Variants in GLTP observed in about 807,000 individuals in gnomAD.
The protein encoded by GLTP is glycolipid transfer protein.
In GLTP, 22 loss-of-function variants were observed where a neutral mutation model predicts 24.0. The observed-to-expected ratio is 0.92, with a 90% CI of 0.65 to 1.31. The LOEUF (loss-of-function observed/expected upper bound fraction) is 1.31, where lower values mean the gene tolerates loss of function less well. Among genes scored for constraint, GLTP ranks in the 50% most tolerant of loss-of-function variants. The pLI is 0.00. For missense variants in GLTP, 224 were observed against 276.6 expected (o/e 0.81, Z 1.35); for synonymous variants, 92 against 115.9 (o/e 0.79, Z 1.33).
chr12:109,870,838 G>C (rs1287818302), intron 1 of GLTP, among the ~76,000 whole-genome samples: 2 of 152,144 alleles, frequency 1.3e-5, no homozygotes, highest in Non-Finnish European at 2.9e-5. Context: ...GAACACAGGG[G>C]AAGTGTGAGT....
At chr12:109,854,308 T>C (rs1298274088) in intron 4 of GLTP, among the ~76,000 whole-genome samples, 1 of 133,464 alleles carries the variant, frequency 7.5e-6, no homozygotes, top group Non-Finnish European at 1.5e-5. Flanking sequence ...TGCGGTAAGC[T>C]AAGACTGTGC....
chr12:109,872,366 A>C (rs1382025981), intron 1 of GLTP, among the ~76,000 whole-genome samples: 1 of 152,188 alleles, frequency 6.6e-6, no homozygotes, highest in Non-Finnish European at 1.5e-5. Context: ...GGGCCTCTCA[A>C]GCTCAGGCTG....
At chr12:109,877,873 C>G (rs1282094498) in intron 1 of GLTP, among the ~76,000 whole-genome samples, 1 of 152,194 alleles carries the variant, frequency 6.6e-6, no homozygotes, top group East Asian at 1.9e-4. Flanking sequence ...CCTTCAGGAG[C>G]AATTCTCCTC....
intron 1 of GLTP, among the ~76,000 whole-genome samples, chr12:109,870,081 C>G (rs1868671627): frequency 6.6e-6 from 1 of 152,138 alleles, no homozygotes; most frequent in Admixed American, 6.5e-5. Flanking sequence ...ATAATGGACC[C>G]TTCTTCAAAG....
At chr12:109,861,087 C>T (rs1320476749) in intron 1 of GLTP, among the ~76,000 whole-genome samples, 1 of 151,252 alleles carries the variant, frequency 6.6e-6, no homozygotes, top group South Asian at 2.1e-4. Flanking sequence ...AAGGCCAATA[C>T]CCAGGAGGCC....
rs745781652 is a variant in GLTP at position 109,857,722 on chromosome 12, C to T, written c.163-63G>A. On this transcript the variant is annotated intron_variant, in intron 2 of 4. Coordinates refer to ENST00000318348, the MANE Select transcript of GLTP (RefSeq NM_016433.4). This position sits in a 1 kb window ranked among gnomAD's most constrained non-coding sequence, Gnocchi z 4.3. ...TGCCCCCATAGACATCTGGCCCGCACGCTGGGTGAAAAGCACCCTACCGGC... is the reference window on the plus strand; with the variant it reads ...TGCCCCCATAGACATCTGGCCCGCATGCTGGGTGAAAAGCACCCTACCGGC... 274 of 1,579,920 alleles carry T rather than the reference C, an allele frequency of 1.7e-4. 2 individuals carry two copies. The highest frequency in any genetic ancestry group is 2.3e-4 in the Non-Finnish European group (262 of 1,148,934).
At chr12:109,856,695 G>A (rs1179722017) in intron 3 of GLTP, among the ~76,000 whole-genome samples, 1 of 152,200 alleles carries the variant, frequency 6.6e-6, no homozygotes, top group African/African-American at 2.4e-5. Flanking sequence ...TTTAAGGGCT[G>A]AAGAGTCTGT....
chr12:109,853,764 G>T (rs1289595062), intron 4 of GLTP, among the ~76,000 whole-genome samples: 1 of 151,114 alleles, frequency 6.6e-6, no homozygotes, highest in Admixed American at 6.6e-5. Flanking sequence ...AATTTTTTTA[G>T]ACATAGTCTC....
chr12:109,877,901 A>G (rs973702779), intron 1 of GLTP, among the ~76,000 whole-genome samples: 4 of 152,224 alleles, frequency 2.6e-5, no homozygotes, highest in Non-Finnish European at 4.4e-5. Context: ...AGAAGAGAAT[A>G]ATGGTTCAAA....
At chr12:109,876,718 A>C (rs1359443769) in intron 1 of GLTP, among the ~76,000 whole-genome samples, 2 of 151,772 alleles carry the variant, frequency 1.3e-5, no homozygotes, top group Admixed American at 6.5e-5. Context: ...AAAAGGACTG[A>C]CATGAAAAGA....
Position 109,851,526 on chromosome 12 carries a change from T to G in GLTP, c.*1029A>C, listed in dbSNP as rs1228171686. ...AAAAATCCCACATAGGGGCCCTGCA[T>G]AATTTTAAATCAAACTCTTTATAGT... On this transcript the variant is annotated 3_prime_UTR_variant, in exon 5 of 5. Coordinates refer to ENST00000318348, the MANE Select transcript of GLTP (RefSeq NM_016433.4). 6.6e-6 allele frequency: 1 copy of G among 152,226 alleles called. No individual in the cohort carries two copies. Among genetic ancestry groups the G allele is most frequent in the African/African-American group, 2.4e-5 (1 of 41,462 alleles). 9.4% of individuals were successfully genotyped at this position (152,226 alleles called of 1,614,324 possible).
intron 4 of GLTP, among the ~76,000 whole-genome samples, chr12:109,854,911 C>T (rs749626837): frequency 1.9e-4 from 29 of 152,226 alleles, no homozygotes; most frequent in Non-Finnish European, 3.4e-4. Context: ...TGTACAGGGC[C>T]CGTCAGCCCC....
chr12:109,870,612 T>C (rs960740614), intron 1 of GLTP, among the ~76,000 whole-genome samples: 4 of 151,996 alleles, frequency 2.6e-5, no homozygotes, highest in Non-Finnish European at 5.9e-5. Context: ...ATTATTCCAA[T>C]GATTAAGAAA....
chr12:109,878,199 A>G (rs1868945439), intron 1 of GLTP, among the ~76,000 whole-genome samples: 3 of 152,226 alleles, frequency 2.0e-5, no homozygotes. Flanking sequence ...TCTTTCCTCC[A>G]AAACCAGCCA....
chr12:109,870,998 A>T (rs1363625426), intron 1 of GLTP, among the ~76,000 whole-genome samples: 1 of 152,184 alleles, frequency 6.6e-6, no homozygotes, highest in Non-Finnish European at 1.5e-5. Context: ...CACTGTAAGT[A>T]CGTAATAAAA....
intron 2 of GLTP, 48 bp downstream of exon 2, chr12:109,858,635 G>A (rs773587168): frequency 2.1e-6 from 3 of 1,429,170 alleles, no homozygotes; most frequent in Non-Finnish European, 3.0e-6. Context: ...GGTGGGCTTA[G>A]ATTCCTAACG....
intron 1 of GLTP, among the ~76,000 whole-genome samples, chr12:109,876,392 G>A (rs1358756054): frequency 1.3e-5 from 2 of 152,124 alleles, no homozygotes; most frequent in African/African-American, 4.8e-5. Context: ...GCACATGCCT[G>A]TAGTTCTAGC....
chr12:109,873,516 C>T (rs1255166585), intron 1 of GLTP, among the ~76,000 whole-genome samples: 1 of 151,910 alleles, frequency 6.6e-6, no homozygotes, highest in Non-Finnish European at 1.5e-5. Flanking sequence ...CATCTGTAAT[C>T]CCAGCTACTG....
chr12:109,869,457 T>C (rs1329922575), intron 1 of GLTP, among the ~76,000 whole-genome samples: 1 of 37,906 alleles, frequency 2.6e-5, no homozygotes, highest in Non-Finnish European at 5.3e-5. Context: ...GGGAAAATTC[T>C]TTTTTTTTTT....
Sources: allele counts gnomAD v4.1 joint callset (sites outside exome capture counted in the v4.1 genomes callset), GRCh38; gene constraint gnomAD v4.1.1; non-coding constraint Gnocchi (gnomAD v3.1); transcripts MANE v1.5; gene names NCBI Gene and HGNC (gene_info 2026-07-23, HGNC 2026-07-21).